Variants in IGSF3 observed in about 807,000 individuals in gnomAD.
The protein encoded by IGSF3 is immunoglobulin superfamily member 3, also known as glu-Trp-Ile EWI motif-containing protein 3.
IGSF3 carries 23 observed loss-of-function variants against 114.4 expected under a neutral mutation model. The observed-to-expected ratio is 0.20, with a 90% CI of 0.14 to 0.28. The LOEUF (loss-of-function observed/expected upper bound fraction) is 0.28, where lower values mean the gene tolerates loss of function less well. Among genes scored for constraint, IGSF3 ranks in the 10% least tolerant of loss-of-function variants. IGSF3 has a pLI of 1.00. For missense variants in IGSF3, 1,172 were observed against 1,591.5 expected (o/e 0.74, Z 4.48); for synonymous variants, 571 against 645.2 (o/e 0.88, Z 1.74).
Position 116,603,972 on chromosome 1 carries a change from C to T in IGSF3, c.1276G>A (p.Glu426Lys), listed in dbSNP as rs758474700. Residue 426 changes from glutamate to lysine, a missense_variant, in exon 6 of 11, where the codon GAG becomes AAG. By Grantham distance (56) the Glu-to-Lys change is moderately conservative (BLOSUM62 1). This residue lies in a region of IGSF3 where 736 missense variants were observed against 1,042.0 expected (regional missense o/e 0.71). Transcript: ENST00000369486. This position sits in a 1 kb window ranked among gnomAD's most constrained non-coding sequence, Gnocchi z 7.1. ...ASNASVILEG[E>K]DLRFSCSVRT... Reference sequence around the variant, plus strand: ...ACACTGCAGGAGAAGCGCAGGTCCTCGCCCTCAAGGATGACGCTGGCATTG... The same window carrying T: ...ACACTGCAGGAGAAGCGCAGGTCCTTGCCCTCAAGGATGACGCTGGCATTG... 9 of 1,612,722 alleles carry T rather than the reference C, an allele frequency of 5.6e-6. No homozygotes were observed. Among genetic ancestry groups the T allele is most frequent in the East Asian group, 4.5e-5 (2 of 44,894 alleles).
At position 116,584,937 on chromosome 1, in the gene IGSF3, C is replaced by A. The variant is rs1192383978; in HGVS notation, c.2556G>T (p.Val852=). 1 of 1,612,998 alleles carries A rather than the reference C, an allele frequency of 6.2e-7. No individual in the cohort carries two copies. The highest frequency in any genetic ancestry group is 1.1e-5 in the South Asian group (1 of 91,042). Residue 852 remains valine, a synonymous_variant, in exon 9 of 11, where the codon GTG becomes GTT. Coordinates refer to ENST00000369486, the MANE Select transcript of IGSF3 (RefSeq NM_001007237.3). The surrounding 1 kb of genome is among the most constrained non-coding windows in gnomAD (Gnocchi z 5.8). ...NRTSITSQLM[V]EWFVWKPNHP... ...GGTTGGGCTTCCATACAAACCATTCCACCATGAGCTGGGAGGTTATGCTGG... is the reference window on the plus strand; with the variant it reads ...GGTTGGGCTTCCATACAAACCATTCAACCATGAGCTGGGAGGTTATGCTGG...
At position 116,638,006 on chromosome 1, in the gene IGSF3, C is replaced by T. The variant is rs575839658; in HGVS notation, c.44-21549G>A. Reference sequence around the variant, plus strand: ...GCTCTTGTCCTGCCTATAAGTATATCGGATCGCTCTCCTTCTTGCTGGCAT... The same window carrying T: ...GCTCTTGTCCTGCCTATAAGTATATTGGATCGCTCTCCTTCTTGCTGGCAT... On this transcript the variant is annotated intron_variant, in intron 2 of 10. Transcript: ENST00000369486. The surrounding 1 kb of genome is among the most constrained non-coding windows in gnomAD (Gnocchi z 4.1). Among the ~76,000 whole-genome samples, 9 of 152,280 alleles carry T rather than the reference C, an allele frequency of 5.9e-5. No homozygotes were observed. The South Asian group carries it at 1.2e-3, about 21-fold the overall frequency.
At chr1:116,646,020 A>G (rs1385463251) in intron 2 of IGSF3, among the ~76,000 whole-genome samples, 1 of 152,122 alleles carries the variant, frequency 6.6e-6, no homozygotes, top group Non-Finnish European at 1.5e-5. Context: ...TGATTTGACC[A>G]TTTTGCAAAA....
At position 116,600,543 on chromosome 1, in the gene IGSF3, G is replaced by C. The variant is rs1009443100; in HGVS notation, c.1625-198C>G. Among the ~76,000 whole-genome samples, 1 of 151,654 alleles carries C rather than the reference G, an allele frequency of 6.6e-6. No homozygotes were observed. Among genetic ancestry groups the C allele is most frequent in the Non-Finnish European group, 1.5e-5 (1 of 68,020 alleles). On this transcript the variant is annotated intron_variant, in intron 6 of 10. Transcript: ENST00000369486. The surrounding 1 kb of genome is among the most constrained non-coding windows in gnomAD (Gnocchi z 5.5). ...AAGAGTTTCCAAGACTCCAAAGAAAGGCCCACCACAATTCCCCCTGAGCAG... is the reference window on the plus strand; with the variant it reads ...AAGAGTTTCCAAGACTCCAAAGAAACGCCCACCACAATTCCCCCTGAGCAG...
chr1:116,652,687 G>C (rs1245595625), intron 2 of IGSF3, among the ~76,000 whole-genome samples: 1 of 152,142 alleles, frequency 6.6e-6, no homozygotes, highest in African/African-American at 2.4e-5. Flanking sequence ...ATTATAAGCA[G>C]AGCACAAAAA....
chr1:116,656,491 T>C (rs1435438187), intron 2 of IGSF3, among the ~76,000 whole-genome samples: 2 of 151,930 alleles, frequency 1.3e-5, no homozygotes, highest in Non-Finnish European at 2.9e-5. Flanking sequence ...GGGGTTTCAC[T>C]GTGTTAGCCA....
rs1380086242 is a variant in IGSF3 at position 116,627,135 on chromosome 1, G to C, written c.44-10678C>G. ...ATAACAGAAATAGGCTGAGTGTTGG[G>C]CATTTTTTTTTAAAGAGGGCAGCTT... On this transcript the variant is annotated intron_variant, in intron 2 of 10. Coordinates refer to ENST00000369486, the MANE Select transcript of IGSF3 (RefSeq NM_001007237.3). The surrounding 1 kb of genome is among the most constrained non-coding windows in gnomAD (Gnocchi z 4.7). 2.0e-5 allele frequency among the ~76,000 whole-genome samples: 3 copies of C among 152,028 alleles called. No individual in the cohort carries two copies. Among genetic ancestry groups the C allele is most frequent in the Non-Finnish European group, 2.9e-5 (2 of 68,010 alleles).
intron 2 of IGSF3, among the ~76,000 whole-genome samples, chr1:116,646,303 A>C (rs558708327): frequency 1.3e-5 from 2 of 152,178 alleles, no homozygotes; most frequent in South Asian, 4.2e-4. Flanking sequence ...TTCTGGTGAA[A>C]CGCCATTATC....
At chr1:116,640,037 C>CAAAAAAAAAAAAA (rs34003833) in intron 2 of IGSF3, among the ~76,000 whole-genome samples, 6 of 65,260 alleles carry the variant, frequency 9.2e-5, no homozygotes, top group Admixed American at 1.8e-4. Flanking sequence ...GACTCTATCT[C>CAAAAAAAAAAAAA]AAAAAAAAAA....
rs1362415281 is a variant in IGSF3 at position 116,593,993 on chromosome 1, A to T, written c.2030-4889T>A. Among the ~76,000 whole-genome samples, 1 of 152,230 alleles carries T rather than the reference A, an allele frequency of 6.6e-6. No individual in the cohort carries two copies. The highest frequency in any genetic ancestry group is 1.5e-5 in the Non-Finnish European group (1 of 68,042). The stretch of plus-strand genomic sequence containing the variant: ...GCAAAAATTATGCCTCTGGGCCTAG[A>T]ACCTACTTTCGTTTTACTATAATCA... On this transcript the variant is annotated intron_variant, in intron 7 of 10. Transcript: ENST00000369486. The surrounding 1 kb of genome is among the most constrained non-coding windows in gnomAD (Gnocchi z 4.5).
chr1:116,584,941 A>C lies in IGSF3; in HGVS notation c.2552T>G (p.Met851Arg). Reference protein sequence around the residue: ...LNRTSITSQLMVEWFVWKPNH... With the variant: ...LNRTSITSQLRVEWFVWKPNH... ...GGGCTTCCATACAAACCATTCCACC[A>C]TGAGCTGGGAGGTTATGCTGGTGCG... The change falls in exon 9 of 11, where the codon ATG (methionine) becomes AGG (arginine). Residue 851 changes from methionine (M) to arginine (R), a missense_variant. Met to Arg is a moderately conservative substitution (Grantham distance 91). This residue lies in a region of IGSF3 where 423 missense variants were observed against 509.8 expected (regional missense o/e 0.83). Coordinates refer to ENST00000369486, the MANE Select transcript of IGSF3 (RefSeq NM_001007237.3). The surrounding 1 kb of genome is among the most constrained non-coding windows in gnomAD (Gnocchi z 5.8). 1 of 1,612,848 alleles carries C rather than the reference A, an allele frequency of 6.2e-7. No homozygotes were observed. Among genetic ancestry groups the C allele is most frequent in the South Asian group, 1.1e-5 (1 of 91,040 alleles).
intron 2 of IGSF3, among the ~76,000 whole-genome samples, chr1:116,639,606 C>T (rs1647991162): frequency 6.6e-6 from 1 of 152,208 alleles, no homozygotes; most frequent in Admixed American, 6.5e-5. Context: ...AAATACAGTG[C>T]CATTGCTTCT....
rs1334481818 is a variant in IGSF3, at chr1:116,579,035, A to T, written c.3334+357T>A. Reference sequence around the variant, plus strand: ...TTTTCCCTTTCCCTTGTGAGTCTGAAACGCTTGCTAATTCGCTAAAGACTA... The same window carrying T: ...TTTTCCCTTTCCCTTGTGAGTCTGATACGCTTGCTAATTCGCTAAAGACTA... On this transcript the variant is annotated intron_variant, in intron 10 of 10. Coordinates refer to ENST00000369486, the MANE Select transcript of IGSF3 (RefSeq NM_001007237.3). This position sits in a 1 kb window ranked among gnomAD's most constrained non-coding sequence, Gnocchi z 6.4. 6.6e-6 allele frequency among the ~76,000 whole-genome samples: 1 copy of T among 152,248 alleles called. No homozygotes were observed. The highest frequency in any genetic ancestry group is 2.4e-5 in the African/African-American group (1 of 41,464).
At position 116,614,043 on chromosome 1, in the gene IGSF3, C is replaced by T. The variant is rs530464588; in HGVS notation, c.554G>A (p.Arg185Gln). The T allele has an allele frequency of 6.1e-5, 98 of 1,614,142 alleles. 1 individual carries two copies. Among genetic ancestry groups the T allele is most frequent in the African/African-American group, 8.0e-5 (6 of 75,024 alleles). ...CACGGGCTTCTCGCCAACTTTCTGC[C>T]GGAGCCAGGCCACAGACAGGTGGCT... Reference protein sequence around the residue: ...QHSHLSVAWLRQKVGEKPVEV... With the variant: ...QHSHLSVAWLQQKVGEKPVEV... The change falls in exon 4 of 11, where the codon CGG becomes CAG. Residue 185 changes from arginine (R) to glutamine (Q), a missense_variant. Around this residue, in one of 3 missense-constraint regions of IGSF3, gnomAD observed 736 missense variants for 1,042.0 expected, o/e 0.71. Transcript: ENST00000369486. This position sits in a 1 kb window ranked among gnomAD's most constrained non-coding sequence, Gnocchi z 4.5.
chr1:116,650,109 A>G lies in IGSF3; in HGVS notation c.43+16175T>C, dbSNP rs919385030. Among the ~76,000 whole-genome samples the G allele has an allele frequency of 6.6e-6, 1 of 152,216 alleles. No homozygotes were observed. The highest frequency in any genetic ancestry group is 2.4e-5 in the African/African-American group (1 of 41,464). On this transcript the variant is annotated intron_variant, in intron 2 of 10. Transcript: ENST00000369486. The surrounding 1 kb of genome is among the most constrained non-coding windows in gnomAD (Gnocchi z 5.0). ...TCTGAATAATGTGCTTTTTGATGAT[A>G]ATCTGAATGGTACAAGAAGAAATCC...
chr1:116,640,067 A>AAAGAAAGG (rs1648022604), intron 2 of IGSF3, among the ~76,000 whole-genome samples: 1 of 151,742 alleles, frequency 6.6e-6, no homozygotes, highest in African/African-American at 2.4e-5. Context: ...AGAAAGAAAG[A>AAAGAAAGG]AAGAAAGGAA....
intron 2 of IGSF3, chr1:116,617,448 G>C (rs1661266756): frequency 2.6e-6 from 2 of 775,832 alleles, no homozygotes; most frequent in Non-Finnish European, 3.1e-6. Context: ...GTGAGTTACA[G>C]GCGCAGCTTT....
Position 116,629,127 on chromosome 1 carries a change from T to C in IGSF3, c.44-12670A>G, listed in dbSNP as rs1361872545. ...AAAAGGTCCCCAAACAAAGAATCCATCAGTCAATTACAGCACTCTCCCCAT... is the reference window on the plus strand; with the variant it reads ...AAAAGGTCCCCAAACAAAGAATCCACCAGTCAATTACAGCACTCTCCCCAT... On this transcript the variant is annotated intron_variant, in intron 2 of 10. Coordinates refer to ENST00000369486, the MANE Select transcript of IGSF3 (RefSeq NM_001007237.3). The surrounding 1 kb of genome is among the most constrained non-coding windows in gnomAD (Gnocchi z 4.3). 1.3e-5 allele frequency among the ~76,000 whole-genome samples: 2 copies of C among 152,082 alleles called. No individual in the cohort carries two copies. Among genetic ancestry groups the C allele is most frequent in the East Asian group, 3.9e-4 (2 of 5,194 alleles).
At chr1:116,578,414 C>T (rs946866543) in intron 10 of IGSF3, among the ~76,000 whole-genome samples, 4 of 152,210 alleles carry the variant, frequency 2.6e-5, no homozygotes, top group African/African-American at 9.6e-5. Context: ...TACTGAATAG[C>T]TGTTGCTCAT....
Sources: allele counts gnomAD v4.1 joint callset (sites outside exome capture counted in the v4.1 genomes callset), GRCh38; gene constraint gnomAD v4.1.1; regional missense constraint gnomAD v4.1.1; non-coding constraint Gnocchi (gnomAD v3.1); transcripts MANE v1.5; gene names NCBI Gene and HGNC (gene_info 2026-07-23, HGNC 2026-07-21).